SNTB1: variants seen among roughly 807,000 people sequenced by gnomAD.
SNTB1 encodes syntrophin beta 1.
In SNTB1, 36 loss-of-function variants were observed where a neutral mutation model predicts 48.9. The ratio of observed to expected loss-of-function variants is 0.74; its 90% CI spans 0.56 to 0.97. The LOEUF is 0.97. SNTB1 is among the 50% of genes least tolerant of loss of function. The pLI, the probability that SNTB1 is intolerant of heterozygous loss-of-function variation, is 0.00. For missense variants in SNTB1, 786 were observed against 703.4 expected, an observed-to-expected ratio of 1.12 and a Z score of -1.33; for synonymous variants, 299 against 294.6, an observed-to-expected ratio of 1.01 and a Z score of -0.15.
chr8:120,761,857 C>CT (rs1191085189), intron 1 of SNTB1, among the ~76,000 whole-genome samples: 1 of 152,130 alleles, frequency 6.6e-6, no homozygotes, highest in African/African-American at 2.4e-5. Context: ...AGAAGTATTT[C>CT]TTTTTTATTA....
rs919685203 is a variant in SNTB1, at chr8:120,646,652, T to C, written c.789-14001A>G. ...TTTTTTTGTTGTGTCTCTGCCCGGC[T>C]TTGGTATCAGAATGATGCTGGCCTC... On this transcript the variant is annotated intron_variant, in intron 2 of 6. Transcript: ENST00000517992. Among the ~76,000 whole-genome samples, 449 of 152,060 alleles carry C rather than the reference T, an allele frequency of 3.0e-3. 1 individual carries two copies. Among genetic ancestry groups the C allele is most frequent in the Non-Finnish European group, 4.8e-3 (325 of 67,910 alleles).
chr8:120,562,194 A>G (rs1394915181), intron 4 of SNTB1, among the ~76,000 whole-genome samples: 1 of 152,240 alleles, frequency 6.6e-6, no homozygotes, highest in Non-Finnish European at 1.5e-5. Flanking sequence ...CTTATGTTTC[A>G]GTCATATGCT....
At chr8:120,694,226 A>AGAGAGT (rs1199427142) in intron 1 of SNTB1, among the ~76,000 whole-genome samples, 16 of 152,212 alleles carry the variant, frequency 1.1e-4, no homozygotes, top group African/African-American at 3.4e-4. Flanking sequence ...AAACATGGGC[A>AGAGAGT]GAGAGTGAGA....
chr8:120,693,865 G>T lies in SNTB1; in HGVS notation c.615C>A (p.Ser205=). 1 of 1,614,092 alleles carries T rather than the reference G, an allele frequency of 6.2e-7. No homozygotes were observed. The highest frequency in any genetic ancestry group is 8.5e-7 in the Non-Finnish European group (1 of 1,179,990). ...REATPYVKKG[S]PVSEIGWETP... is the part of the protein sequence containing the mutation. ...TTTCCCACCCAATCTCGGATACTGGGGATCCTTTCTTCACATAGGGCGTGG... is the reference window on the plus strand; with the variant it reads ...TTTCCCACCCAATCTCGGATACTGGTGATCCTTTCTTCACATAGGGCGTGG... Residue 205 remains serine (S), a synonymous_variant, in exon 2 of 7, where the codon TCC becomes TCA. Transcript: ENST00000517992.
chr8:120,571,188 T>G (rs1815836279), intron 4 of SNTB1: 2 of 1,234,006 alleles, frequency 1.6e-6, no homozygotes, highest in Non-Finnish European at 2.1e-6. Flanking sequence ...ATTTTCATGT[T>G]GCCTGAGAGT....
At chr8:120,544,337 T>C (rs1435666052) in intron 5 of SNTB1, among the ~76,000 whole-genome samples, 1 of 152,190 alleles carries the variant, frequency 6.6e-6, no homozygotes, top group African/African-American at 2.4e-5. Context: ...CTACATAGGA[T>C]GGAATCGGTT....
chr8:120,703,549 G>T (rs1403850189), intron 1 of SNTB1, among the ~76,000 whole-genome samples: 1 of 152,186 alleles, frequency 6.6e-6, no homozygotes, highest in Non-Finnish European at 1.5e-5. Context: ...ACAGATGAGG[G>T]TCAGGAACCC....
At chr8:120,640,499 G>A (rs1156821921) in intron 2 of SNTB1, among the ~76,000 whole-genome samples, 9 of 152,098 alleles carry the variant, frequency 5.9e-5, no homozygotes. Context: ...CATTCAGTAT[G>A]ATATTGGCTG....
intron 1 of SNTB1, among the ~76,000 whole-genome samples, chr8:120,737,592 T>C (rs1398604998): frequency 6.6e-6 from 1 of 152,122 alleles, no homozygotes; most frequent in South Asian, 2.1e-4. Context: ...TATGCAGAGA[T>C]TAGAGTTCAG....
At position 120,693,795 on chromosome 8, in the gene SNTB1, G is replaced by T; in HGVS notation, c.685C>A (p.Pro229Thr). ...SPRLGGSTSD[P>T]PSSQSFSFHR... is the part of the protein sequence containing the mutation. ...AAGGAGAAGGACTGCGATGACGGGG[G>T]GTCTGAGGTGCTGCCCCCTAACCGA... The change falls in exon 2 of 7, where the codon CCC becomes ACC. Residue 229 changes from proline to threonine, a missense_variant. Pro to Thr is a conservative substitution (Grantham distance 38). Transcript: ENST00000517992. The T allele has an allele frequency of 6.2e-7, 1 of 1,614,140 alleles. No individual in the cohort carries two copies. The highest frequency in any genetic ancestry group is 8.5e-7 in the Non-Finnish European group (1 of 1,179,994).
chr8:120,610,501 C>A (rs541194207), intron 3 of SNTB1, among the ~76,000 whole-genome samples: 122 of 152,058 alleles, frequency 8.0e-4, no homozygotes, highest in Non-Finnish European at 1.4e-3. Context: ...AGGATAGGGT[C>A]ATGGTTTGCA....
In SNTB1 at chr8:120,594,333, G is replaced by A. The variant is rs777960354; in HGVS notation, c.997-19108C>T. ...GCTCACTGCAACCTCCACCTCCCGG[G>A]TTCCAGTGATTCTCTTACCTCAGCC... On this transcript the variant is annotated intron_variant, in intron 3 of 6. Coordinates refer to ENST00000517992, the MANE Select transcript of SNTB1 (RefSeq NM_021021.4). Among the ~76,000 whole-genome samples the A allele has an allele frequency of 6.4e-4, 97 of 152,146 alleles. 1 individual carries two copies. Among genetic ancestry groups the A allele is most frequent in the Non-Finnish European group, 1.2e-3 (84 of 68,032 alleles).
At chr8:120,678,265 T>G (rs1324595172) in intron 2 of SNTB1, among the ~76,000 whole-genome samples, 1 of 152,204 alleles carries the variant, frequency 6.6e-6, no homozygotes, top group Non-Finnish European at 1.5e-5. Flanking sequence ...GTCTCTCTGC[T>G]GCCTTTTTAT....
At chr8:120,553,088 T>C (rs1052331317) in intron 4 of SNTB1, among the ~76,000 whole-genome samples, 2 of 152,226 alleles carry the variant, frequency 1.3e-5, no homozygotes, top group Admixed American at 1.3e-4. Context: ...CCTCCTGCTG[T>C]GCAGTCCCAT....
intron 4 of SNTB1, chr8:120,571,451 A>T: frequency 2.1e-6 from 1 of 479,986 alleles, no homozygotes. Flanking sequence ...GTGTGCAGTT[A>T]AGGATGTTTA....
chr8:120,783,572 T>C (rs1417876776), intron 1 of SNTB1, among the ~76,000 whole-genome samples: 3 of 152,334 alleles, frequency 2.0e-5, no homozygotes, highest in Middle Eastern at 3.4e-3. Context: ...CTCCTCTTCC[T>C]CCAACTTGCC....
chr8:120,579,035 G>T (rs1815997719), intron 3 of SNTB1, among the ~76,000 whole-genome samples: 1 of 152,118 alleles, frequency 6.6e-6, no homozygotes, highest in Admixed American at 6.5e-5. Flanking sequence ...AAATTAGCCA[G>T]GTGTGGTGGC....
At chr8:120,677,347 G>A (rs973582704) in intron 2 of SNTB1, among the ~76,000 whole-genome samples, 16 of 152,268 alleles carry the variant, frequency 1.1e-4, no homozygotes, top group African/African-American at 3.6e-4. Flanking sequence ...AGTGATTCAA[G>A]GCCTGTCTCT....
chr8:120,741,845 G>C (rs1167068984), intron 1 of SNTB1, among the ~76,000 whole-genome samples: 2 of 152,158 alleles, frequency 1.3e-5, no homozygotes, highest in Non-Finnish European at 2.9e-5. Context: ...AGGAGAAGAA[G>C]GAGAAATAGA....
Sources: gnomAD v4.1 joint callset for allele counts (sites outside exome capture counted in the v4.1 genomes callset) on GRCh38, gnomAD v4.1.1 for gene constraint, MANE v1.5 for transcripts, NCBI Gene and HGNC (gene_info 2026-07-23, HGNC 2026-07-21) for gene names.